The following GNAL variants were observed in gnomAD, a reference collection of about 807,000 sequenced individuals.
The protein encoded by GNAL is G protein subunit alpha L, also known as guanine nucleotide-binding protein G(olf) subunit alpha.
A neutral mutation model predicts 55.1 loss-of-function variants in GNAL; 18 were observed. That is an observed-to-expected ratio of 0.33 (90% CI 0.23 to 0.48). The LOEUF is 0.48. Ranked by LOEUF, GNAL falls within the 20% of genes least tolerant of loss-of-function variation. GNAL has a pLI of 0.99. For synonymous variants in GNAL, 253 were observed against 237.0 expected, an observed-to-expected ratio of 1.07 and a Z score of -0.62; for missense variants, 412 against 614.1, an observed-to-expected ratio of 0.67 and a Z score of 3.48.
intron 4 of GNAL, among the ~76,000 whole-genome samples, chr18:11,803,772 G>C: frequency 6.8e-6 from 1 of 147,308 alleles, no homozygotes; most frequent in Admixed American, 6.7e-5. Flanking sequence ...GTGCAGTTTG[G>C]ATGGAACACG....
chr18:11,779,550 C>T (rs2033873657), intron 4 of GNAL, among the ~76,000 whole-genome samples: 2 of 152,190 alleles, frequency 1.3e-5, no homozygotes, highest in South Asian at 4.1e-4. Context: ...TTTCAGTTCA[C>T]TCTGACCTAG....
intron 1 of GNAL, among the ~76,000 whole-genome samples, chr18:11,743,539 CTT>C (rs958024357): frequency 2.6e-5 from 4 of 152,090 alleles, no homozygotes; most frequent in African/African-American, 9.7e-5. Flanking sequence ...CAGAAAGAAA[CTT>C]TGTTCATATA....
At chr18:11,768,987 C>G (rs188670112) in intron 4 of GNAL, among the ~76,000 whole-genome samples, 1 of 78,794 alleles carries the variant, frequency 1.3e-5, no homozygotes, top group Non-Finnish European at 2.0e-5. Context: ...ATTATATATT[C>G]TATATTATAA....
chr18:11,721,648 C>G lies in GNAL; in HGVS notation c.377-31205C>G, dbSNP rs2032095995. ...GCAGGTACTTGTAATCCCAGCTACTCTGGAGGCTGAGACAGGAGAATCTGT... is the reference window on the plus strand; with the variant it reads ...GCAGGTACTTGTAATCCCAGCTACTGTGGAGGCTGAGACAGGAGAATCTGT... On this transcript the variant is annotated intron_variant, in intron 1 of 11. Coordinates refer to ENST00000334049, the MANE Select transcript of GNAL (RefSeq NM_182978.4). Among the ~76,000 whole-genome samples, 9 of 152,158 alleles carry G rather than the reference C, an allele frequency of 5.9e-5. No individual in the cohort carries two copies. In the South Asian group the frequency reaches 1.9e-3, roughly 32 times the overall value.
chr18:11,819,119 T>C (rs1380757863), intron 4 of GNAL, among the ~76,000 whole-genome samples: 1 of 152,250 alleles, frequency 6.6e-6, no homozygotes, highest in Admixed American at 6.5e-5. Flanking sequence ...ATCCCAAATG[T>C]CAGTGTAACC....
At position 11,751,013 on chromosome 18, in the gene GNAL, T is replaced by C. The variant is rs1224399606; in HGVS notation, c.377-1840T>C. ...GGGAGCCGGGGCGGGCTGGGGTCTG[T>C]TCTCCTGAAGAAGGCCAGCTCCGCA... On this transcript the variant is annotated intron_variant, in intron 1 of 11. Coordinates refer to ENST00000334049, the MANE Select transcript of GNAL (RefSeq NM_182978.4). The surrounding 1 kb of genome is among the most constrained non-coding windows in gnomAD (Gnocchi z 4.5). Among the ~76,000 whole-genome samples the C allele has an allele frequency of 6.6e-6, 1 of 151,962 alleles. No homozygotes were observed. Among genetic ancestry groups the C allele is most frequent in the Non-Finnish European group, 1.5e-5 (1 of 67,988 alleles).
Position 11,846,956 on chromosome 18 carries a change from G to A in GNAL, c.723-15439G>A, listed in dbSNP as rs536309367. ...TCTAGCTGTGTTCCCAAATAAAAAG[G>A]TGATGCAGAGGAAAATATATATATA... On this transcript the variant is annotated intron_variant, in intron 5 of 11. Coordinates refer to ENST00000334049, the MANE Select transcript of GNAL (RefSeq NM_182978.4). Among the ~76,000 whole-genome samples the A allele has an allele frequency of 2.0e-5, 3 of 152,038 alleles. No homozygotes were observed. The East Asian group carries it at 5.8e-4, about 29-fold the overall frequency.
intron 4 of GNAL, among the ~76,000 whole-genome samples, chr18:11,799,289 T>C (rs1412924845): frequency 1.3e-5 from 2 of 152,178 alleles, no homozygotes; most frequent in Admixed American, 6.5e-5. Context: ...CCAGAAGCAC[T>C]GTGAGTACTT....
intron 5 of GNAL, among the ~76,000 whole-genome samples, chr18:11,842,224 A>T (rs542646824): frequency 6.6e-6 from 1 of 151,692 alleles, no homozygotes; most frequent in Admixed American, 6.6e-5. Flanking sequence ...CAGGTGATAC[A>T]CCTGCCTTGG....
chr18:11,851,876 T>G, intron 5 of GNAL: 1 of 1,613,958 alleles, frequency 6.2e-7, no homozygotes, highest in South Asian at 1.1e-5. Context: ...GAGCACCAGT[T>G]TGAGACTCTG....
At chr18:11,807,056 G>A (rs1265018263) in intron 4 of GNAL, among the ~76,000 whole-genome samples, 3 of 152,094 alleles carry the variant, frequency 2.0e-5, no homozygotes, top group Admixed American at 2.0e-4. Context: ...CTACTGGGGA[G>A]GCTGAGGCAG....
intron 5 of GNAL, among the ~76,000 whole-genome samples, chr18:11,839,604 T>C (rs1270096387): frequency 7.0e-6 from 1 of 142,188 alleles, no homozygotes. Context: ...GACGTAAGCA[T>C]AATATCTCTT....
At chr18:11,861,751 G>A (rs2036144232) in intron 5 of GNAL, among the ~76,000 whole-genome samples, 1 of 152,174 alleles carries the variant, frequency 6.6e-6, no homozygotes, top group Non-Finnish European at 1.5e-5. Flanking sequence ...CCTGCCTTGT[G>A]TGGGACACAG....
intron 1 of GNAL, among the ~76,000 whole-genome samples, chr18:11,711,946 G>A (rs1322884543): frequency 6.6e-6 from 1 of 152,212 alleles, no homozygotes; most frequent in Non-Finnish European, 1.5e-5. Flanking sequence ...CTGGACTTGT[G>A]CATTTTAATT....
At chr18:11,832,253 G>A (rs966900165) in intron 5 of GNAL, among the ~76,000 whole-genome samples, 3 of 152,138 alleles carry the variant, frequency 2.0e-5, no homozygotes, top group African/African-American at 7.2e-5. Flanking sequence ...CTTATGCTCA[G>A]TACGACACAT....
intron 1 of GNAL, among the ~76,000 whole-genome samples, chr18:11,697,184 C>T (rs536430493): frequency 3.3e-5 from 5 of 152,366 alleles, no homozygotes; most frequent in African/African-American, 4.8e-5. Flanking sequence ...AGGCTGGCTT[C>T]GCCAAACATT....
At chr18:11,737,056 A>G (rs749703378) in intron 1 of GNAL, among the ~76,000 whole-genome samples, 2 of 152,206 alleles carry the variant, frequency 1.3e-5, no homozygotes, top group Non-Finnish European at 2.9e-5. Context: ...TTTTTATACT[A>G]TTCTTTCTGT....
intron 11 of GNAL, 138 bp downstream of exon 11, chr18:11,876,826 A>T: frequency 1.5e-6 from 1 of 668,866 alleles, no homozygotes; most frequent in Non-Finnish European, 2.7e-6. Context: ...TGTTACTTTA[A>T]TTTCACAGCT....
intron 5 of GNAL, among the ~76,000 whole-genome samples, chr18:11,830,394 C>T (rs1032526052): frequency 6.9e-5 from 10 of 145,570 alleles, no homozygotes; most frequent in African/African-American, 2.3e-4. Flanking sequence ...TCAAGCGATT[C>T]TCCTGCCTCA....
Sources: gnomAD v4.1 joint callset for allele counts (sites outside exome capture counted in the v4.1 genomes callset) on GRCh38, gnomAD v4.1.1 for gene constraint, Gnocchi (gnomAD v3.1) non-coding constraint, MANE v1.5 for transcripts, NCBI Gene and HGNC (gene_info 2026-07-23, HGNC 2026-07-21) for gene names.